The following NALF1 variants were observed in gnomAD, a reference collection of about 807,000 sequenced individuals.
NALF1 encodes family with sequence similarity 155 member A.
Under a neutral mutation model 48.4 loss-of-function variants are expected in NALF1, and 3 were observed. The observed-to-expected ratio is 0.06, with a 90% CI of 0.03 to 0.16. The LOEUF (loss-of-function observed/expected upper bound fraction) is 0.16, where lower values mean the gene tolerates loss of function less well. Ranked by LOEUF, NALF1 falls within the 10% of genes least tolerant of loss-of-function variation. NALF1 has a pLI of 1.00. For synonymous variants in NALF1, 262 were observed against 245.7 expected (o/e 1.07, Z -0.62); for missense variants, 526 against 571.5 (o/e 0.92, Z 0.81).
chr13:107,483,873 A>T (rs1272989503), intron 1 of NALF1, among the ~76,000 whole-genome samples: 17 of 152,158 alleles, frequency 1.1e-4, no homozygotes, highest in African/African-American at 2.9e-4. Context: ...TATAATAGTT[A>T]AAAAAGCTTT....
intron 1 of NALF1, among the ~76,000 whole-genome samples, chr13:107,387,245 T>C (rs904450651): frequency 6.6e-6 from 1 of 151,710 alleles, no homozygotes; most frequent in African/African-American, 2.4e-5. Flanking sequence ...CAGAGATGTT[T>C]CGCAAATCTA....
At chr13:107,248,168 G>T (rs1880621348) in intron 1 of NALF1, among the ~76,000 whole-genome samples, 1 of 152,016 alleles carries the variant, frequency 6.6e-6, no homozygotes. Context: ...AAGAGGACAA[G>T]AAGACAATAG....
chr13:107,514,856 C>T (rs987122918), intron 1 of NALF1, among the ~76,000 whole-genome samples: 2 of 152,126 alleles, frequency 1.3e-5, no homozygotes, highest in African/African-American at 4.8e-5. Flanking sequence ...TATGGCAAAA[C>T]AGCAGTCAAG....
chr13:107,286,181 G>A (rs2147452), intron 1 of NALF1, among the ~76,000 whole-genome samples: 32,727 of 152,064 alleles, frequency 0.22, 4,337 homozygotes, highest in Non-Finnish European at 0.29. Flanking sequence ...ATGGTTCGGC[G>A]GCTGTAAAGA....
rs572219938 is a variant in NALF1 at position 107,482,478 on chromosome 13, G to GA, written c.916-271724dup. 1.9e-3 allele frequency among the ~76,000 whole-genome samples: 291 copies of GA among 152,244 alleles called. 2 individuals are homozygous for GA. The highest frequency in any genetic ancestry group is 6.8e-3 in the African/African-American group (283 of 41,544). On this transcript the variant is annotated intron_variant, in intron 1 of 2. Coordinates refer to ENST00000375915, the MANE Select transcript of NALF1 (RefSeq NM_001080396.3). ...ATGCTTCCATATCGACAGCAAAGGA[G>GA]AAAACTCAGATATAGTTTGGTGAGC... is the stretch of plus-strand genomic sequence containing the variant.
Position 107,170,528 on chromosome 13 carries a change from G to T in NALF1, c.1346C>A (p.Thr449Lys). ...CTCATTGGTTGAGTTTTCTTCCAGC[G>T]TGTTGATGCCTCCAAAGCTCAGTCC... Reference protein sequence around the residue: ...TAGLSFGGINTLEENSTNEE With the variant: ...TAGLSFGGINKLEENSTNEE The change falls in exon 3 of 3, where the codon ACG becomes AAG. Residue 449 changes from threonine (T) to lysine (K), a missense_variant. Physicochemically the swap from Thr to Lys is moderately conservative, Grantham distance 78 (BLOSUM62 -1). Transcript: ENST00000375915. The T allele has an allele frequency of 6.2e-7, 1 of 1,607,742 alleles. No individual in the cohort carries two copies. The highest frequency in any genetic ancestry group is 8.5e-7 in the Non-Finnish European group (1 of 1,175,386).
chr13:107,790,029 T>A (rs1455650106), intron 1 of NALF1, among the ~76,000 whole-genome samples: 1 of 152,224 alleles, frequency 6.6e-6, no homozygotes, highest in African/African-American at 2.4e-5. Context: ...TTTACAGTGC[T>A]GCCTCCATAA....
intron 1 of NALF1, among the ~76,000 whole-genome samples, chr13:107,269,261 C>T (rs973490006): frequency 6.6e-5 from 10 of 151,624 alleles, no homozygotes; most frequent in East Asian, 1.9e-4. Flanking sequence ...GGGGGGTTCA[C>T]GAGAACTAAG....
chr13:107,224,069 T>G (rs1326945009), intron 1 of NALF1, among the ~76,000 whole-genome samples: 8 of 152,132 alleles, frequency 5.3e-5, no homozygotes, highest in Non-Finnish European at 1.2e-4. Flanking sequence ...ATGAATAATA[T>G]TATTCATTAT....
intron 1 of NALF1, among the ~76,000 whole-genome samples, chr13:107,616,447 A>G (rs547407352): frequency 1.3e-5 from 2 of 152,212 alleles, no homozygotes; most frequent in African/African-American, 4.8e-5. Flanking sequence ...TTGTAAGCAG[A>G]ACTTATTTTT....
chr13:107,350,828 G>C (rs1464883028), intron 1 of NALF1, among the ~76,000 whole-genome samples: 1 of 152,136 alleles, frequency 6.6e-6, no homozygotes, highest in Admixed American at 6.5e-5. Context: ...TGAATGTGTG[G>C]GTCTTGGGTA....
At chr13:107,674,724 A>C (rs748234828) in intron 1 of NALF1, among the ~76,000 whole-genome samples, 2 of 152,158 alleles carry the variant, frequency 1.3e-5, no homozygotes, top group Non-Finnish European at 2.9e-5. Context: ...GCAAAATTTC[A>C]CTTTAAATAT....
At chr13:107,407,359 G>T (rs923512592) in intron 1 of NALF1, among the ~76,000 whole-genome samples, 8 of 152,000 alleles carry the variant, frequency 5.3e-5, no homozygotes, top group Admixed American at 2.6e-4. Flanking sequence ...CTACCCATCT[G>T]ACAGGAAATT....
chr13:107,308,796 C>T (rs181291947), intron 1 of NALF1, among the ~76,000 whole-genome samples: 5 of 152,330 alleles, frequency 3.3e-5, no homozygotes, highest in Admixed American at 2.0e-4. Flanking sequence ...ACAGATGAAT[C>T]GCAACATGAC....
At chr13:107,575,988 G>C (rs982264193) in intron 1 of NALF1, among the ~76,000 whole-genome samples, 15 of 87,868 alleles carry the variant, frequency 1.7e-4, no homozygotes, top group African/African-American at 4.1e-4. Flanking sequence ...ATATGTGTGT[G>C]TGCATGTATA....
At chr13:107,481,741 T>C (rs1283332054) in intron 1 of NALF1, among the ~76,000 whole-genome samples, 1 of 152,066 alleles carries the variant, frequency 6.6e-6, no homozygotes, top group African/African-American at 2.4e-5. Context: ...TGCATCTAAT[T>C]AACAGCATAA....
intron 1 of NALF1, among the ~76,000 whole-genome samples, chr13:107,744,531 A>G (rs1011084808): frequency 3.3e-5 from 5 of 152,214 alleles, no homozygotes; most frequent in Non-Finnish European, 7.3e-5. Context: ...AAAGAGGACA[A>G]AAGACAGATA....
intron 1 of NALF1, among the ~76,000 whole-genome samples, chr13:107,282,705 C>T (rs900553950): frequency 3.9e-5 from 6 of 152,164 alleles, no homozygotes; most frequent in African/African-American, 1.4e-4. Context: ...GGCCTCTTGC[C>T]AACAGCCAGC....
At chr13:107,490,133 G>C (rs575698611) in intron 1 of NALF1, among the ~76,000 whole-genome samples, 4 of 152,264 alleles carry the variant, frequency 2.6e-5, no homozygotes, top group Middle Eastern at 3.4e-3. Context: ...TGATGGGAGA[G>C]TAAATTAGGT....
Sources: gnomAD v4.1 joint callset for allele counts (sites outside exome capture counted in the v4.1 genomes callset) on GRCh38, gnomAD v4.1.1 for gene constraint, MANE v1.5 for transcripts, NCBI Gene and HGNC (gene_info 2026-07-23, HGNC 2026-07-21) for gene names.